The following PCDHA4 variants were observed in gnomAD, a reference collection of about 807,000 sequenced individuals.
PCDHA4 encodes protocadherin alpha-4.
In PCDHA4, 49 loss-of-function variants were observed where a neutral mutation model predicts 61.4. The ratio of observed to expected loss-of-function variants is 0.80; its 90% CI spans 0.63 to 1.01. The LOEUF is 1.01. Among genes scored for constraint, PCDHA4 ranks in the 50% least tolerant of loss-of-function variants. The probability of loss-of-function intolerance (pLI) is 0.00; values close to 1 mark genes in which losing one functional copy is unlikely to be tolerated. For synonymous variants in PCDHA4, 590 were observed against 550.3 expected (o/e 1.07, Z -1.01); for missense variants, 1,254 against 1,235.8 (o/e 1.01, Z -0.22).
intron 1 of PCDHA4, chr5:140,827,943 A>T: frequency 1.7e-6 from 2 of 1,183,778 alleles, no homozygotes; most frequent in Admixed American, 2.3e-5. Flanking sequence ...TAGCTAGCCA[A>T]CATTCAAATT....
intron 1 of PCDHA4, among the ~76,000 whole-genome samples, chr5:140,942,138 T>C (rs1269073266): frequency 1.3e-5 from 2 of 152,240 alleles, no homozygotes; most frequent in African/African-American, 4.8e-5. Flanking sequence ...TTTGTGGCTT[T>C]ACTTGACATA....
intron 1 of PCDHA4, among the ~76,000 whole-genome samples, chr5:140,939,255 A>T (rs1032457788): frequency 2.6e-5 from 4 of 152,060 alleles, no homozygotes; most frequent in Non-Finnish European, 4.4e-5. Context: ...GCTCTCTGGA[A>T]CCTCTTTTAT....
chr5:140,890,505 C>T (rs968263026), intron 1 of PCDHA4, among the ~76,000 whole-genome samples: 4 of 151,914 alleles, frequency 2.6e-5, no homozygotes, highest in Admixed American at 2.6e-4. Flanking sequence ...ATTTTTATGT[C>T]TCTATTTCCT....
At chr5:140,925,479 A>G (rs2082513030) in intron 1 of PCDHA4, among the ~76,000 whole-genome samples, 1 of 152,116 alleles carries the variant, frequency 6.6e-6, no homozygotes. Context: ...TGTTTCTCAT[A>G]GAACTGATCA....
At chr5:140,937,839 A>G (rs2091791639) in intron 1 of PCDHA4, among the ~76,000 whole-genome samples, 1 of 150,456 alleles carries the variant, frequency 6.6e-6, no homozygotes, top group Non-Finnish European at 1.5e-5. Flanking sequence ...ATGAACCTGG[A>G]AGGCGGAACT....
intron 1 of PCDHA4, chr5:140,853,623 A>G: frequency 1.0e-6 from 1 of 988,442 alleles, no homozygotes; most frequent in Non-Finnish European, 1.2e-6. Context: ...AAATAAGTAT[A>G]CAAGATCACA....
intron 1 of PCDHA4, chr5:140,848,835 C>T: frequency 6.3e-7 from 1 of 1,590,448 alleles, no homozygotes; most frequent in African/African-American, 1.4e-5. Context: ...AGACAGGCCG[C>T]TGCAGGTTTT....
chr5:140,929,681 A>C, intron 1 of PCDHA4: 1 of 302,408 alleles, frequency 3.3e-6, no homozygotes. Flanking sequence ...AAAAATATGT[A>C]AGAGTCTGCT....
rs1320713440 is a variant in PCDHA4 at position 140,808,342 on chromosome 5, C to T, written c.1155C>T (p.Val385=). 3.1e-6 allele frequency: 5 copies of T among 1,614,132 alleles called. No homozygotes were observed. The East Asian group carries it at 1.1e-4, about 36-fold the overall frequency. The change falls in exon 1 of 4, where the codon GTC becomes GTT. Residue 385 remains valine (V), a synonymous_variant. Transcript: ENST00000530339. ...SDKDMGVNGL[V]TCSLTSHVPF... is the part of the protein sequence containing the mutation. ...AAGACATGGGTGTCAATGGGCTGGT[C>T]ACCTGCTCCTTGACGTCCCACGTCC...
chr5:140,835,835 G>A (rs2150246191), intron 1 of PCDHA4: 1 of 1,612,346 alleles, frequency 6.2e-7, no homozygotes, highest in Non-Finnish European at 8.5e-7. Context: ...ACGCGGACGC[G>A]CAGAAGAACG....
Position 140,882,272 on chromosome 5 carries a change from C to G in PCDHA4, c.2385+72700C>G, listed in dbSNP as rs782377951. On this transcript the variant is annotated intron_variant, in intron 1 of 3. Transcript: ENST00000530339. ...TCTGAGGTTTTTGGAGTGTACCATG[C>G]TGTCTTCCTGGCAAGGAGGCCCAAG... The G allele has an allele frequency of 5.0e-6, 8 of 1,611,430 alleles. No individual in the cohort carries two copies. The highest frequency in any genetic ancestry group is 6.8e-6 in the Non-Finnish European group (8 of 1,178,456).
intron 1 of PCDHA4, chr5:140,836,741 G>A (rs1554136289): frequency 8.1e-6 from 13 of 1,600,528 alleles, no homozygotes; most frequent in South Asian, 5.6e-5. Flanking sequence ...CAGACAATGT[G>A]AGTCATAAAT....
intron 1 of PCDHA4, among the ~76,000 whole-genome samples, chr5:140,924,901 A>AAAAAAAATAAAT (rs369245222): frequency 1.2e-5 from 1 of 80,456 alleles, no homozygotes; most frequent in Non-Finnish European, 2.7e-5. Flanking sequence ...TCTCAAAAAA[A>AAAAAAAATAAAT]AAAATAAAAT....
At position 140,926,851 on chromosome 5, in the gene PCDHA4, T is replaced by C. The variant is rs201136210; in HGVS notation, c.2386-52098T>C. 6.6e-6 allele frequency: 10 copies of C among 1,517,220 alleles called. No individual in the cohort carries two copies. In the Admixed American group the frequency reaches 6.6e-5, roughly 10 times the overall value. The allele number at this position is 1,517,220 out of a possible 1,614,324, so 94.0% of individuals were successfully genotyped here. ...TCCGGAGCATGGTCCTGGGTCACCGTTGGTGTAGCGTGTTGGTGGAACGTG... is the reference window on the plus strand; with the variant it reads ...TCCGGAGCATGGTCCTGGGTCACCGCTGGTGTAGCGTGTTGGTGGAACGTG... On this transcript the variant is annotated intron_variant, in intron 1 of 3. Coordinates refer to ENST00000530339, the MANE Select transcript of PCDHA4 (RefSeq NM_018907.4).
chr5:140,862,824 G>A, intron 1 of PCDHA4: 1 of 571,890 alleles, frequency 1.7e-6, no homozygotes, highest in Non-Finnish European at 3.4e-6. Context: ...AGGTGAGAGC[G>A]CGCGACGCGG....
intron 1 of PCDHA4, among the ~76,000 whole-genome samples, chr5:140,832,944 A>C (rs1253078122): frequency 6.6e-6 from 1 of 152,194 alleles, no homozygotes; most frequent in African/African-American, 2.4e-5. Flanking sequence ...AGAGTAACTT[A>C]AGTGAGTATA....
chr5:140,858,391 T>C lies in PCDHA4; in HGVS notation c.2385+48819T>C, dbSNP rs1214576702. On this transcript the variant is annotated intron_variant, in intron 1 of 3. Transcript: ENST00000530339. ...GCCTTCCACCATGCCCAATGGTAGA[T>C]GTGGACGGGGAAGATCAGTCTATTG... is the stretch of plus-strand genomic sequence containing the variant. 12 of 1,577,710 alleles carry C rather than the reference T, an allele frequency of 7.6e-6. 1 individual carries two copies. Among genetic ancestry groups the C allele is most frequent in the African/African-American group, 1.4e-5 (1 of 74,060 alleles).
chr5:140,871,489 G>C (rs782277615), intron 1 of PCDHA4: 1 of 1,590,138 alleles, frequency 6.3e-7, no homozygotes, highest in Non-Finnish European at 8.6e-7. Context: ...AAATCACCCC[G>C]GACAGGTGAG....
At chr5:140,862,417 T>A (rs77196804) in intron 1 of PCDHA4, 1 of 351,262 alleles carries the variant, frequency 2.8e-6, no homozygotes, top group East Asian at 7.4e-5. Context: ...CAAAAGGCGC[T>A]GCCCAGAAAC....
Sources: allele counts gnomAD v4.1 joint callset (sites outside exome capture counted in the v4.1 genomes callset), GRCh38; gene constraint gnomAD v4.1.1; transcripts MANE v1.5; gene names NCBI Gene and HGNC (gene_info 2026-07-23, HGNC 2026-07-21).